Variants in RAB31 observed in about 807,000 individuals in gnomAD.
RAB31 encodes the protein ras-related protein Rab-31.
Under a neutral mutation model 25.6 loss-of-function variants are expected in RAB31, and 21 were observed. The observed-to-expected ratio is 0.82, with a 90% CI of 0.58 to 1.18. RAB31 has a LOEUF of 1.18. Among genes scored for constraint, RAB31 ranks in the 50% most tolerant of loss-of-function variants. The probability of loss-of-function intolerance (pLI) is 0.00; values close to 1 mark genes in which losing one functional copy is unlikely to be tolerated. For missense variants in RAB31, 196 were observed against 250.1 expected (o/e 0.78, Z 1.46); for synonymous variants, 87 against 84.0 (o/e 1.04, Z -0.20).
intron 2 of RAB31, among the ~76,000 whole-genome samples, chr18:9,785,877 G>A (rs542407436): frequency 8.5e-5 from 13 of 152,122 alleles, no homozygotes; most frequent in East Asian, 1.9e-4. Context: ...CCTGACCAAC[G>A]TGGTGAAACC....
In RAB31 at chr18:9,775,304, C is replaced by T. The variant is rs757357492; in HGVS notation, c.66C>T (p.Ile22=). The T allele has an allele frequency of 6.5e-5, 105 of 1,613,720 alleles. No individual in the cohort carries two copies. Among genetic ancestry groups the T allele is most frequent in the Non-Finnish European group, 8.3e-5 (98 of 1,179,798 alleles). The change falls in exon 2 of 7, where the codon ATC becomes ATT. Residue 22 remains isoleucine, a synonymous_variant. Coordinates refer to ENST00000578921, the MANE Select transcript of RAB31 (RefSeq NM_006868.4). ...LGDTGVGKSS[I]VCRFVQDHFD... ...ACACTGGGGTTGGGAAATCAAGCAT[C>T]GTGTGTCGATTTGTCCAGGATCACT...
chr18:9,722,309 C>A (rs968379683), intron 1 of RAB31, among the ~76,000 whole-genome samples: 1 of 152,104 alleles, frequency 6.6e-6, no homozygotes, highest in Non-Finnish European at 1.5e-5. Context: ...AACATGGGAG[C>A]GGTGGTGACT....
At chr18:9,787,875 C>A (rs560467802) in intron 2 of RAB31, 2 of 152,192 alleles carry the variant, frequency 1.3e-5, no homozygotes, top group African/African-American at 4.8e-5. Flanking sequence ...CTGAGGCTGT[C>A]GCCCAAAGAT....
At chr18:9,720,492 T>C (rs1274994993) in intron 1 of RAB31, among the ~76,000 whole-genome samples, 1 of 151,866 alleles carries the variant, frequency 6.6e-6, no homozygotes, top group Non-Finnish European at 1.5e-5. Flanking sequence ...TGGTGTCTGC[T>C]AATGAACCAG....
intron 1 of RAB31, among the ~76,000 whole-genome samples, chr18:9,742,239 G>T (rs2068183475): frequency 6.6e-6 from 1 of 152,210 alleles, no homozygotes; most frequent in Non-Finnish European, 1.5e-5. Context: ...CAGAGTTGGT[G>T]GAAACAGCAA....
chr18:9,791,926 C>CTTTGTTTTGTTTTGT (rs374081823), intron 2 of RAB31, among the ~76,000 whole-genome samples: 5 of 151,888 alleles, frequency 3.3e-5, no homozygotes, highest in African/African-American at 9.6e-5. Flanking sequence ...TGAATGCCTC[C>CTTTGTTTTGTTTTGT]TTTGTTTTGT....
At chr18:9,729,245 G>A (rs2068109972) in intron 1 of RAB31, among the ~76,000 whole-genome samples, 1 of 152,044 alleles carries the variant, frequency 6.6e-6, no homozygotes, top group South Asian at 2.1e-4. Context: ...TATTATAAAA[G>A]TATTTAGCGC....
intron 6 of RAB31, among the ~76,000 whole-genome samples, chr18:9,847,193 G>T (rs1470859280): frequency 3.3e-5 from 5 of 152,226 alleles, no homozygotes; most frequent in Non-Finnish European, 5.9e-5. Flanking sequence ...CATTTCCTCA[G>T]ATTAAACTCA....
chr18:9,778,652 G>C (rs931633257), intron 2 of RAB31, among the ~76,000 whole-genome samples: 11 of 152,054 alleles, frequency 7.2e-5, no homozygotes, highest in Admixed American at 5.9e-4. Flanking sequence ...TGTATTTTTA[G>C]TAGGAACGGG....
chr18:9,830,914 C>G (rs2068674904), intron 5 of RAB31, among the ~76,000 whole-genome samples: 1 of 152,170 alleles, frequency 6.6e-6, no homozygotes, highest in Non-Finnish European at 1.5e-5. Context: ...TGTAGACACC[C>G]AGTTGTCTCA....
chr18:9,859,396 C>G lies in RAB31; in HGVS notation c.*71C>G. On this transcript the variant is annotated 3_prime_UTR_variant, in exon 7 of 7. Transcript: ENST00000578921. ...TCCTGTGCACTGCTGAAGGACCCTA[C>G]GCTCGGTGGCCTGGCACCTCACTTT... 1 of 1,344,162 alleles carries G rather than the reference C, an allele frequency of 7.4e-7. No individual in the cohort carries two copies. Among genetic ancestry groups the G allele is most frequent in the Non-Finnish European group, 1.0e-6 (1 of 956,012 alleles). The allele number at this position is 1,344,162 out of a possible 1,614,324, so 83.3% of individuals were successfully genotyped here.
intron 1 of RAB31, among the ~76,000 whole-genome samples, chr18:9,718,552 A>G (rs2068055712): frequency 6.6e-6 from 1 of 152,212 alleles, no homozygotes; most frequent in South Asian, 2.1e-4. Flanking sequence ...AGCCACTGCA[A>G]CCAGCCTTAT....
At chr18:9,773,357 A>G (rs1047824371) in intron 1 of RAB31, among the ~76,000 whole-genome samples, 13 of 152,178 alleles carry the variant, frequency 8.5e-5, no homozygotes, top group Admixed American at 3.9e-4. Context: ...TCAAATTTAT[A>G]CCTTTAATGT....
intron 1 of RAB31, among the ~76,000 whole-genome samples, chr18:9,719,323 ATATAT>A: frequency 2.4e-5 from 2 of 84,980 alleles, no homozygotes; most frequent in South Asian, 4.5e-4. Flanking sequence ...ATATATATAT[ATATAT>A]AAATAAATAA....
At chr18:9,829,173 C>T (rs934149029) in intron 5 of RAB31, among the ~76,000 whole-genome samples, 1 of 152,172 alleles carries the variant, frequency 6.6e-6, no homozygotes, top group Non-Finnish European at 1.5e-5. Context: ...AACCCTTCCC[C>T]AATCGTATCC....
chr18:9,773,760 G>T (rs974940206), intron 1 of RAB31, among the ~76,000 whole-genome samples: 2 of 152,158 alleles, frequency 1.3e-5, no homozygotes, highest in Non-Finnish European at 2.9e-5. Context: ...CCGGGCTCAA[G>T]CCATCTTCCT....
chr18:9,738,479 G>C (rs1023868), intron 1 of RAB31, among the ~76,000 whole-genome samples: 2 of 151,860 alleles, frequency 1.3e-5, no homozygotes, highest in Non-Finnish European at 2.9e-5. Context: ...GCATGCCTAC[G>C]TCATGAAGTT....
chr18:9,796,028 C>T (rs2143038038), intron 3 of RAB31, among the ~76,000 whole-genome samples: 1 of 152,256 alleles, frequency 6.6e-6, no homozygotes, highest in South Asian at 2.1e-4. Flanking sequence ...TATATATATA[C>T]ACCATACAAT....
At chr18:9,859,071 G>A (rs1404060994) in intron 6 of RAB31, among the ~76,000 whole-genome samples, 157 bp from the exon 7 acceptor site, 1 of 152,142 alleles carries the variant, frequency 6.6e-6, no homozygotes, top group Admixed American at 6.5e-5. Context: ...AAGAAGGAAG[G>A]GAGGAAGGAA....
Sources: allele counts gnomAD v4.1 joint callset (sites outside exome capture counted in the v4.1 genomes callset), GRCh38; gene constraint gnomAD v4.1.1; transcripts MANE v1.5; gene names NCBI Gene and HGNC (gene_info 2026-07-23, HGNC 2026-07-21).